The following COL24A1 variants were observed in gnomAD, a reference collection of about 807,000 sequenced individuals.
COL24A1 encodes collagen type XXIV alpha 1 chain.
In COL24A1, 224 loss-of-function variants were observed where a neutral mutation model predicts 253.9. The observed-to-expected ratio is 0.88, with a 90% CI of 0.79 to 0.99. COL24A1 has a LOEUF of 0.99. Ranked by LOEUF, COL24A1 falls within the 50% of genes least tolerant of loss-of-function variation. COL24A1 has a pLI of 0.00. For synonymous variants in COL24A1, 685 were observed against 673.7 expected, an observed-to-expected ratio of 1.02 and a Z score of -0.26; for missense variants, 2,131 against 2,068.5, an observed-to-expected ratio of 1.03 and a Z score of -0.59.
At chr1:85,905,674 G>T (rs1684749966) in intron 28 of COL24A1, among the ~76,000 whole-genome samples, 1 of 152,028 alleles carries the variant, frequency 6.6e-6, no homozygotes, top group African/African-American at 2.4e-5. Flanking sequence ...TAGATCCTTG[G>T]GGAGGTAGGA....
intron 19 of COL24A1, among the ~76,000 whole-genome samples, chr1:86,014,207 C>T (rs917907884): frequency 1.5e-4 from 23 of 152,294 alleles, no homozygotes; most frequent in African/African-American, 5.1e-4. Context: ...TTCTCATTCA[C>T]TTCTAAATAT....
At chr1:86,114,320 G>A (rs574529142) in intron 4 of COL24A1, among the ~76,000 whole-genome samples, 5 of 152,306 alleles carry the variant, frequency 3.3e-5, no homozygotes, top group East Asian at 3.9e-4. Flanking sequence ...GTAAACTGCC[G>A]TATTATGAGA....
chr1:85,729,828 A>C lies in COL24A1; in HGVS notation c.*718T>G, dbSNP rs926321400. 1 of 152,650 alleles carries C rather than the reference A, an allele frequency of 6.6e-6. No homozygotes were observed. The highest frequency in any genetic ancestry group is 6.5e-5 in the Admixed American group (1 of 15,280). The allele number at this position is 152,650 out of a possible 1,614,324, so 9.5% of individuals were successfully genotyped here. On this transcript the variant is annotated 3_prime_UTR_variant, in exon 60 of 60. Coordinates refer to ENST00000370571, the MANE Select transcript of COL24A1 (RefSeq NM_152890.7). ...GTGCTGGCTTTGATTCCAAATACAC[A>C]AAGAGAATTTTAAAATAAAACAAGG...
At chr1:85,890,760 G>C (rs1280828008) in intron 31 of COL24A1, among the ~76,000 whole-genome samples, 2 of 152,092 alleles carry the variant, frequency 1.3e-5, no homozygotes, top group East Asian at 3.9e-4. Flanking sequence ...TAATCCTTGT[G>C]ATGTGTTAAT....
chr1:85,975,697 TA>T (rs1692604921), intron 20 of COL24A1, among the ~76,000 whole-genome samples: 1 of 152,090 alleles, frequency 6.6e-6, no homozygotes, highest in African/African-American at 2.4e-5. Context: ...CAAGAACCAC[TA>T]CAGTAAAGTA....
At chr1:86,145,094 G>T (rs994264438) in intron 2 of COL24A1, among the ~76,000 whole-genome samples, 16 of 152,184 alleles carry the variant, frequency 1.1e-4, no homozygotes, top group African/African-American at 3.9e-4. Context: ...TGTGATATTT[G>T]AAAGAATATT....
chr1:85,737,984 G>A (rs753386776), intron 57 of COL24A1, among the ~76,000 whole-genome samples: 1 of 152,108 alleles, frequency 6.6e-6, no homozygotes, highest in Non-Finnish European at 1.5e-5. Flanking sequence ...ATGTAAAATT[G>A]ATACTAAAAA....
chr1:85,872,501 T>C (rs1403578140), intron 35 of COL24A1, among the ~76,000 whole-genome samples: 1 of 151,984 alleles, frequency 6.6e-6, no homozygotes, highest in Admixed American at 6.6e-5. Flanking sequence ...TATATACCAA[T>C]GGAACAGAAC....
Position 85,925,674 on chromosome 1 carries a change from A to G in COL24A1, c.2563-14241T>C, listed in dbSNP as rs1687108201. ...TTACACCTTATACAAAAATTAATTCAAGATGGATTAAAGACCTAAATGTTA... is the reference window on the plus strand; with the variant it reads ...TTACACCTTATACAAAAATTAATTCGAGATGGATTAAAGACCTAAATGTTA... On this transcript the variant is annotated intron_variant, in intron 24 of 59. Coordinates refer to ENST00000370571, the MANE Select transcript of COL24A1 (RefSeq NM_152890.7). Among the ~76,000 whole-genome samples, 3 of 152,222 alleles carry G rather than the reference A, an allele frequency of 2.0e-5. No individual in the cohort carries two copies. In the South Asian group the frequency reaches 6.2e-4, roughly 31 times the overall value.
intron 21 of COL24A1, among the ~76,000 whole-genome samples, chr1:85,970,723 C>T (rs924715103): frequency 6.6e-6 from 1 of 152,000 alleles, no homozygotes; most frequent in African/African-American, 2.4e-5. Flanking sequence ...ATTCACAATT[C>T]AATTAAAATA....
chr1:86,073,936 C>T (rs1477045372), intron 7 of COL24A1, among the ~76,000 whole-genome samples: 3 of 152,136 alleles, frequency 2.0e-5, no homozygotes, highest in African/African-American at 7.2e-5. Flanking sequence ...ATTTTGTCAC[C>T]ACCAGGCCTG....
intron 28 of COL24A1, among the ~76,000 whole-genome samples, chr1:85,903,656 TA>T (rs1223795624): frequency 6.6e-6 from 1 of 152,164 alleles, no homozygotes; most frequent in Non-Finnish European, 1.5e-5. Context: ...ATAGCAGAAA[TA>T]AAAATTTGAT....
chr1:86,079,910 C>T (rs574446070), intron 7 of COL24A1, among the ~76,000 whole-genome samples: 1 of 152,226 alleles, frequency 6.6e-6, no homozygotes, highest in South Asian at 2.1e-4. Flanking sequence ...TTAGCAATCC[C>T]ACTACTGGGT....
rs116097981 is a variant in COL24A1, at chr1:85,999,143, G to A, written c.2311-11489C>T. Among the ~76,000 whole-genome samples the A allele has an allele frequency of 2.8e-3, 426 of 152,240 alleles. 1 individual carries two copies. The highest frequency in any genetic ancestry group is 9.8e-3 in the African/African-American group (407 of 41,522). On this transcript the variant is annotated intron_variant, in intron 19 of 59. Transcript: ENST00000370571. ...ATTTGAGAGAAGCCCATGGGAAATG[G>A]CAATGAATATGTAAACCAAATATAT...
chr1:85,822,348 C>A (rs1361607858), intron 45 of COL24A1, among the ~76,000 whole-genome samples: 1 of 152,120 alleles, frequency 6.6e-6, no homozygotes, highest in East Asian at 1.9e-4. Flanking sequence ...ACTTTTTATT[C>A]ATTCTCATCT....
chr1:86,027,014 T>A (rs1698094511), intron 14 of COL24A1, among the ~76,000 whole-genome samples: 1 of 152,142 alleles, frequency 6.6e-6, no homozygotes, highest in African/African-American at 2.4e-5. Context: ...TGTGGAACTT[T>A]GAACTTGAGA....
At chr1:85,958,538 C>T (rs1181174632) in intron 24 of COL24A1, among the ~76,000 whole-genome samples, 5 of 152,040 alleles carry the variant, frequency 3.3e-5, no homozygotes, top group Non-Finnish European at 7.4e-5. Flanking sequence ...AAAAAGACAT[C>T]AAACCTTCCA....
chr1:86,051,780 T>G (rs1379374179), intron 10 of COL24A1, among the ~76,000 whole-genome samples: 1 of 152,122 alleles, frequency 6.6e-6, no homozygotes, highest in Non-Finnish European at 1.5e-5. Flanking sequence ...CTCTAAAGTT[T>G]ACAGCTGGAC....
chr1:85,852,297 CTGTT>C lies in COL24A1; in HGVS notation c.3301-2895_3301-2892del, dbSNP rs548348230. 6.6e-4 allele frequency among the ~76,000 whole-genome samples: 100 copies of C among 152,198 alleles called. 1 individual carries two copies. The East Asian group carries it at 7.3e-3, about 11-fold the overall frequency. On this transcript the variant is annotated intron_variant, in intron 37 of 59. Transcript: ENST00000370571. ...TACATTATCTTCAATTTCCATTGGT[CTGTT>C]TGTTTATTTGTGAATGAGTATGGCA...
Sources: allele counts gnomAD v4.1 joint callset (sites outside exome capture counted in the v4.1 genomes callset), GRCh38; gene constraint gnomAD v4.1.1; transcripts MANE v1.5; gene names NCBI Gene and HGNC (gene_info 2026-07-23, HGNC 2026-07-21).